The following EXD1 variants were observed in gnomAD, a reference collection of about 807,000 sequenced individuals.
The protein encoded by EXD1 is exonuclease 3'-5' domain containing 1, also known as piRNA biogenesis protein EXD1.
A neutral mutation model predicts 49.1 loss-of-function variants in EXD1; 63 were observed. That is an observed-to-expected ratio of 1.28 (90% CI 1.05 to 1.58). EXD1 has a LOEUF of 1.58. EXD1 is among the 40% of genes most tolerant of loss of function. The pLI, the probability that EXD1 is intolerant of heterozygous loss-of-function variation, is 0.00. For synonymous variants in EXD1, 234 were observed against 239.2 expected (o/e 0.98, Z 0.20); for missense variants, 748 against 666.0 (o/e 1.12, Z -1.36).
In EXD1 at chr15:41,199,974, G is replaced by A. The variant is rs1260524324; in HGVS notation, c.535-3937C>T. 2.0e-5 allele frequency among the ~76,000 whole-genome samples: 3 copies of A among 150,556 alleles called. No homozygotes were observed. In the East Asian group the frequency reaches 5.8e-4, roughly 29 times the overall value. On this transcript the variant is annotated intron_variant, in intron 7 of 11. Transcript: ENST00000458580. Reference sequence around the variant, plus strand: ...GCTGGAGTACAGTGGCACCATATCAGCTCACTGCAACCTCTGCCTTCTGGC... The same window carrying A: ...GCTGGAGTACAGTGGCACCATATCAACTCACTGCAACCTCTGCCTTCTGGC...
At chr15:41,199,809 T>C (rs973680544) in intron 7 of EXD1, among the ~76,000 whole-genome samples, 1 of 19,186 alleles carries the variant, frequency 5.2e-5, no homozygotes, top group Non-Finnish European at 1.1e-4. Context: ...ATATTATATA[T>C]GTCATATATA....
intron 9 of EXD1, among the ~76,000 whole-genome samples, chr15:41,194,137 G>T (rs563563698): frequency 3.1e-4 from 47 of 149,368 alleles, no homozygotes; most frequent in African/African-American, 1.1e-3. Context: ...TCAGCCTCCC[G>T]AGTAGCTGGG....
Position 41,226,595 on chromosome 15 carries a change from C to T in EXD1, c.-20G>A, listed in dbSNP as rs1339077866. On this transcript the variant is annotated 5_prime_UTR_variant, in exon 2 of 12. Transcript: ENST00000458580. ...GTCCATGCTAATTGATTCCAAAAGC[C>T]GTCTTCAAATAATCTTCTTTAAGCA... 5.9e-6 allele frequency: 9 copies of T among 1,528,002 alleles called. No homozygotes were observed. The South Asian group carries it at 6.1e-5, about 10-fold the overall frequency. The allele number at this position is 1,528,002 out of a possible 1,614,324, so 94.7% of individuals were successfully genotyped here.
chr15:41,221,278 A>AT (rs1247536722), intron 2 of EXD1, among the ~76,000 whole-genome samples: 1 of 151,972 alleles, frequency 6.6e-6, no homozygotes, highest in Non-Finnish European at 1.5e-5. Flanking sequence ...ATGCTTTTTT[A>AT]TTTTTTTAAT....
At chr15:41,218,994 A>C (rs1219567807) in intron 3 of EXD1, among the ~76,000 whole-genome samples, 2 of 152,166 alleles carry the variant, frequency 1.3e-5, no homozygotes, top group African/African-American at 2.4e-5. Context: ...AGAGATGCAC[A>C]GTCCTAAGAG....
In EXD1 at chr15:41,191,633, A is replaced by G. The variant is rs780243280; in HGVS notation, c.721-48T>C. The G allele has an allele frequency of 3.9e-6, 6 of 1,534,806 alleles. No homozygotes were observed. In the South Asian group the frequency reaches 7.1e-5, roughly 18 times the overall value. ...ACAGACCAGTTGAATATATACAGAGAGCTATCTCATGCCAGAAATATATTT... is the reference window on the plus strand; with the variant it reads ...ACAGACCAGTTGAATATATACAGAGGGCTATCTCATGCCAGAAATATATTT... On this transcript the variant is annotated intron_variant, in intron 9 of 11. Coordinates refer to ENST00000458580, the MANE Select transcript of EXD1 (RefSeq NM_001286441.2).
intron 7 of EXD1, among the ~76,000 whole-genome samples, chr15:41,201,884 T>A (rs1489670289): frequency 6.6e-6 from 1 of 152,046 alleles, no homozygotes; most frequent in Non-Finnish European, 1.5e-5. Flanking sequence ...AGGCGTGGTG[T>A]GGCTCATGTC....
At chr15:41,184,658 C>CCTTT in intron 11 of EXD1, 65 bp from the exon 12 acceptor site, 10 of 1,259,994 alleles carry the variant, frequency 7.9e-6, no homozygotes, top group Non-Finnish European at 1.0e-5. Flanking sequence ...CTTAAAATCA[C>CCTTT]TTTTTTTTTT....
At position 41,185,497 on chromosome 15, in the gene EXD1, C is replaced by A. The variant is rs576299152; in HGVS notation, c.1057-904G>T. The stretch of plus-strand genomic sequence containing the variant: ...GGTAGCTGGAAGCACAGGTGCATGC[C>A]ACCATGCCTTGCTAATTTTTGTGGG... On this transcript the variant is annotated intron_variant, in intron 11 of 11. Transcript: ENST00000458580. 1.7e-3 allele frequency among the ~76,000 whole-genome samples: 266 copies of A among 152,054 alleles called. 1 individual carries two copies. The highest frequency in any genetic ancestry group is 3.0e-3 in the Non-Finnish European group (204 of 67,988).
intron 10 of EXD1, among the ~76,000 whole-genome samples, chr15:41,191,056 T>C (rs1357086572): frequency 6.6e-6 from 1 of 152,004 alleles, no homozygotes; most frequent in African/African-American, 2.4e-5. Context: ...GCCTCCCGAG[T>C]AGCTGAGACT....
chr15:41,183,790 G>A lies in EXD1; in HGVS notation c.*141C>T. The A allele has an allele frequency of 1.3e-5, 9 of 702,550 alleles. No individual in the cohort carries two copies. Among genetic ancestry groups the A allele is most frequent in the Non-Finnish European group, 1.6e-5 (7 of 435,276 alleles). The allele number at this position is 702,550 out of a possible 1,614,324, so 43.5% of individuals were successfully genotyped here. On this transcript the variant is annotated 3_prime_UTR_variant, in exon 12 of 12. Coordinates refer to ENST00000458580, the MANE Select transcript of EXD1 (RefSeq NM_001286441.2). ...TCATTCTCCGCATACCAGGAACACA[G>A]GAGTAAGCAAGAGGATATAATTTTC... is the stretch of plus-strand genomic sequence containing the variant.
At chr15:41,220,507 C>T (rs185989227) in intron 2 of EXD1, among the ~76,000 whole-genome samples, 1 of 152,268 alleles carries the variant, frequency 6.6e-6, no homozygotes, top group African/African-American at 2.4e-5. Context: ...ATCCGCTTGC[C>T]TCAGCCTCCC....
intron 7 of EXD1, among the ~76,000 whole-genome samples, chr15:41,206,014 G>A (rs2046817073): frequency 6.6e-6 from 1 of 150,772 alleles, no homozygotes; most frequent in African/African-American, 2.4e-5. Context: ...CATAAATTCT[G>A]AATTCTGTCT....
At chr15:41,225,061 A>C (rs2047140490) in intron 2 of EXD1, among the ~76,000 whole-genome samples, 1 of 152,174 alleles carries the variant, frequency 6.6e-6, no homozygotes, top group Non-Finnish European at 1.5e-5. Flanking sequence ...AGAGTTGTAG[A>C]GGCTACCTGG....
chr15:41,217,848 T>C lies in EXD1; in HGVS notation c.203-694A>G, dbSNP rs566408766. ...CACATCTGGCCTCGTTTAGGTACTT[T>C]TCAAGCAAAAAGCCTCTATGTTTCA... On this transcript the variant is annotated intron_variant, in intron 3 of 11. Transcript: ENST00000458580. Among the ~76,000 whole-genome samples, 6 of 152,342 alleles carry C rather than the reference T, an allele frequency of 3.9e-5. No homozygotes were observed. The South Asian group carries it at 1.2e-3, about 32-fold the overall frequency.
At chr15:41,205,980 A>G (rs193254243) in intron 7 of EXD1, among the ~76,000 whole-genome samples, 50 of 151,570 alleles carry the variant, frequency 3.3e-4, no homozygotes, top group African/African-American at 1.2e-3. Context: ...CTCAAGTTCA[A>G]GCAATTCTCC....
intron 7 of EXD1, among the ~76,000 whole-genome samples, chr15:41,206,310 A>C (rs922431345): frequency 1.3e-5 from 2 of 151,904 alleles, no homozygotes; most frequent in Admixed American, 1.3e-4. Flanking sequence ...TCTCTACTAA[A>C]AATACAATAA....
intron 7 of EXD1, among the ~76,000 whole-genome samples, chr15:41,207,702 G>A (rs2046855212): frequency 6.6e-6 from 1 of 151,990 alleles, no homozygotes; most frequent in Non-Finnish European, 1.5e-5. Flanking sequence ...TCTGGCTGGG[G>A]AAAACCTGTC....
intron 9 of EXD1, among the ~76,000 whole-genome samples, chr15:41,194,244 C>T (rs1034191602): frequency 6.6e-6 from 1 of 152,106 alleles, no homozygotes; most frequent in East Asian, 1.9e-4. Flanking sequence ...ATCTCCTGAA[C>T]TCGTGATCTG....
Sources: allele counts gnomAD v4.1 joint callset (sites outside exome capture counted in the v4.1 genomes callset), GRCh38; gene constraint gnomAD v4.1.1; transcripts MANE v1.5; gene names NCBI Gene and HGNC (gene_info 2026-07-23, HGNC 2026-07-21).